HAUS8: variants seen among roughly 807,000 people sequenced by gnomAD.
HAUS8 encodes HAUS augmin like complex subunit 8.
HAUS8 carries 38 observed loss-of-function variants against 42.9 expected under a neutral mutation model. That is an observed-to-expected ratio of 0.89 (90% confidence interval 0.68 to 1.16). The LOEUF (loss-of-function observed/expected upper bound fraction) is 1.16. HAUS8 is among the 50% of genes most tolerant of loss of function. The pLI, the probability that HAUS8 is intolerant of heterozygous loss-of-function variation, is 0.00. For missense variants in HAUS8, 494 were observed against 511.6 expected (o/e 0.97, Z 0.33); for synonymous variants, 199 against 205.8 (o/e 0.97, Z 0.28).
chr19:17,073,281 T>A lies in HAUS8; in HGVS notation c.84A>T (p.Arg28Ser). 1 of 1,613,720 alleles carries A rather than the reference T, an allele frequency of 6.2e-7. No individual in the cohort carries two copies. The highest frequency in any genetic ancestry group is 8.5e-7 in the Non-Finnish European group (1 of 1,179,614). The change falls in exon 2 of 11, where the codon AGA (arginine) becomes AGT (serine). Residue 28 changes from arginine (R) to serine (S), a missense_variant. Transcript: ENST00000253669. ...NSSSAKKKDK[R>S]VQGGRVIESR... Reference sequence around the variant, plus strand: ...GATCCTGACACTGCTTACCTTGAACTCTTTTATCCTTCTTCTTGGCACTGC... The same window carrying A: ...GATCCTGACACTGCTTACCTTGAACACTTTTATCCTTCTTCTTGGCACTGC...
At chr19:17,061,659 C>T (rs886612805) in intron 4 of HAUS8, among the ~76,000 whole-genome samples, 4 of 152,154 alleles carry the variant, frequency 2.6e-5, no homozygotes, top group Non-Finnish European at 4.4e-5. Context: ...TGGGGGTGTC[C>T]TGTGCATTCA....
chr19:17,056,779 C>T (rs1021025752), intron 8 of HAUS8, among the ~76,000 whole-genome samples: 5 of 151,564 alleles, frequency 3.3e-5, no homozygotes, highest in African/African-American at 9.7e-5. Context: ...TTAGTAGAGA[C>T]GGGGTTTCAC....
chr19:17,056,548 TACAC>T (rs143197170), intron 8 of HAUS8, among the ~76,000 whole-genome samples: 11 of 150,908 alleles, frequency 7.3e-5, no homozygotes, highest in South Asian at 6.3e-4. Context: ...CACACACACA[TACAC>T]ACACACACAG....
At position 17,058,693 on chromosome 19, in the gene HAUS8, A is replaced by C. The variant is rs200798386; in HGVS notation, c.501T>G (p.Leu167=). ...TLLSVKMENN[L]AEFERRAEKN... is the part of the protein sequence containing the mutation. ...TTTCTGCCCTTCTTTCAAACTCAGCAAGATTGTTCTCCATCTGTTAAATGT... is the reference window on the plus strand; with the variant it reads ...TTTCTGCCCTTCTTTCAAACTCAGCCAGATTGTTCTCCATCTGTTAAATGT... The change falls in exon 8 of 11, where the codon CTT becomes CTG. Residue 167 remains leucine (L), a synonymous_variant. Transcript: ENST00000253669. The C allele has an allele frequency of 1.1e-4, 184 of 1,608,294 alleles. 1 individual carries two copies. Among genetic ancestry groups the C allele is most frequent in the Admixed American group, 2.7e-4 (16 of 58,470 alleles).
chr19:17,055,557 C>A (rs1042962118), intron 9 of HAUS8, among the ~76,000 whole-genome samples: 18 of 152,018 alleles, frequency 1.2e-4, no homozygotes, highest in Non-Finnish European at 2.2e-4. Context: ...GTGGTCTTGT[C>A]ACCCCCCAAC....
At chr19:17,056,392 C>G (rs1268555008) in intron 8 of HAUS8, among the ~76,000 whole-genome samples, 1 of 152,184 alleles carries the variant, frequency 6.6e-6, no homozygotes, top group Non-Finnish European at 1.5e-5. Context: ...TTGAGCAACA[C>G]GGGAGTTTGG....
At chr19:17,071,830 C>T (rs541854773) in intron 2 of HAUS8, among the ~76,000 whole-genome samples, 17 of 152,154 alleles carry the variant, frequency 1.1e-4, no homozygotes, top group Middle Eastern at 3.4e-3. Context: ...AACCCTGTCT[C>T]TACTAAAAAT....
At chr19:17,066,846 C>T (rs2057389928) in intron 3 of HAUS8, among the ~76,000 whole-genome samples, 1 of 152,178 alleles carries the variant, frequency 6.6e-6, no homozygotes, top group Admixed American at 6.5e-5. Flanking sequence ...AACTGACTGC[C>T]TGTCAATCAA....
At chr19:17,056,115 C>T in intron 8 of HAUS8, 113 bp from the exon 9 acceptor site, 3 of 1,013,136 alleles carry the variant, frequency 3.0e-6, no homozygotes, top group East Asian at 2.4e-5. Flanking sequence ...TCACCACCCC[C>T]CAGGGAATCA....
At chr19:17,067,204 CA>C (rs113437145) in intron 3 of HAUS8, among the ~76,000 whole-genome samples, 75 of 124,384 alleles carry the variant, frequency 6.0e-4, no homozygotes, top group South Asian at 5.4e-4. Flanking sequence ...GACTCCATCT[CA>C]AAAAAAAAAA....
At chr19:17,050,783 C>G (rs2057282661) in intron 10 of HAUS8, among the ~76,000 whole-genome samples, 1 of 151,998 alleles carries the variant, frequency 6.6e-6, no homozygotes, top group Non-Finnish European at 1.5e-5. Context: ...GTAATCCCAG[C>G]TACTGGGGAG....
chr19:17,072,375 G>A (rs10424674), intron 2 of HAUS8, among the ~76,000 whole-genome samples: 43,543 of 127,408 alleles, frequency 0.34, 7,364 homozygotes, highest in Middle Eastern at 0.5. Flanking sequence ...ATGGAGTTTC[G>A]CTCGCCACCC....
At chr19:17,059,695 G>T in intron 5 of HAUS8, 44 bp from the exon 6 acceptor site, 1 of 1,374,872 alleles carries the variant, frequency 7.3e-7, no homozygotes, top group South Asian at 1.2e-5. Flanking sequence ...AGCGTATATA[G>T]ACTGGTCCCT....
rs142224555 is a variant in HAUS8, at chr19:17,049,922, T to C, written c.1184A>G (p.Gln395Arg). Residue 395 changes from glutamine to arginine, a missense_variant, in exon 11 of 11, where the codon CAG (glutamine) becomes CGG (arginine). Gln to Arg is a conservative substitution (Grantham distance 43, BLOSUM62 1). Transcript: ENST00000253669. The part of the protein sequence containing the change: ...SPSEDFSSSS[Q>R]AEVPPSLSRS... The stretch of plus-strand genomic sequence containing the variant: ...AGAGAGAGAGGGCGGGACTTCTGCC[T>C]GGCTGCTTGAAGAAAAATCTTCGCT... The C allele has an allele frequency of 7.8e-6, 12 of 1,538,178 alleles. No individual in the cohort carries two copies. Among genetic ancestry groups the C allele is most frequent in the Non-Finnish European group, 1.1e-5 (12 of 1,140,592 alleles).
At chr19:17,075,109 G>C in intron 1 of HAUS8, 1 of 509,174 alleles carries the variant, frequency 2.0e-6, no homozygotes, top group Non-Finnish European at 3.6e-6. Context: ...CTGCGTCATC[G>C]GCCCCATTTC....
intron 3 of HAUS8, among the ~76,000 whole-genome samples, chr19:17,065,907 C>T (rs549536637): frequency 9.7e-4 from 147 of 151,454 alleles, no homozygotes; most frequent in African/African-American, 3.4e-3. Flanking sequence ...GTGGTATGCC[C>T]GAACAGGCCA....
At chr19:17,070,159 C>T (rs1173462055) in intron 2 of HAUS8, among the ~76,000 whole-genome samples, 2 of 148,720 alleles carry the variant, frequency 1.3e-5, no homozygotes, top group African/African-American at 2.6e-5. Flanking sequence ...TCCCCTTTCT[C>T]TCCTTTCTCC....
At chr19:17,062,845 G>T in intron 3 of HAUS8, 66 bp from the exon 4 acceptor site, 1 of 1,193,442 alleles carries the variant, frequency 8.4e-7, no homozygotes, top group Non-Finnish European at 1.3e-6. Flanking sequence ...GGGCCCTGAT[G>T]CGGTCTGCAC....
At chr19:17,071,795 G>A (rs1357978668) in intron 2 of HAUS8, among the ~76,000 whole-genome samples, 2 of 152,088 alleles carry the variant, frequency 1.3e-5, no homozygotes, top group Non-Finnish European at 2.9e-5. Flanking sequence ...TCAGAAGTTT[G>A]AGACCAGCCT....
Sources: allele counts gnomAD v4.1 joint callset (sites outside exome capture counted in the v4.1 genomes callset), GRCh38; gene constraint gnomAD v4.1.1; transcripts MANE v1.5; gene names NCBI Gene and HGNC (gene_info 2026-07-23, HGNC 2026-07-21).